CLSPN: variants seen among roughly 807,000 people sequenced by gnomAD.
CLSPN encodes claspin homolog.
In CLSPN, 85 loss-of-function variants were observed where a neutral mutation model predicts 156.3. The observed-to-expected ratio is 0.54, with a 90% CI of 0.46 to 0.65. The LOEUF (loss-of-function observed/expected upper bound fraction) is 0.65, where lower values mean the gene tolerates loss of function less well. Among genes scored for constraint, CLSPN ranks in the 30% least tolerant of loss-of-function variants. CLSPN has a pLI of 0.00. For missense variants in CLSPN, 1,407 were observed against 1,554.9 expected (o/e 0.90, Z 1.60); for synonymous variants, 534 against 542.4 (o/e 0.98, Z 0.22).
chr1:35,763,015 C>A, intron 4 of CLSPN, 145 bp downstream of exon 4: 1 of 568,726 alleles, frequency 1.8e-6, no homozygotes, highest in Non-Finnish European at 2.8e-6. Context: ...TGCAAGTCTC[C>A]AAAATTAACA....
intron 1 of CLSPN, among the ~76,000 whole-genome samples, chr1:35,768,592 T>G (rs1642755803): frequency 6.6e-6 from 1 of 151,588 alleles, no homozygotes; most frequent in Non-Finnish European, 1.5e-5. Context: ...TTTTTTTTTT[T>G]GTAGAGGCGG....
chr1:35,743,104 A>G (rs756349958), intron 18 of CLSPN, 37 bp downstream of exon 18: 1 of 1,549,004 alleles, frequency 6.5e-7, no homozygotes, highest in East Asian at 2.2e-5. Context: ...CAAATTTTAA[A>G]TACACCTGAA....
At chr1:35,758,842 G>A (rs567385188) in intron 8 of CLSPN, among the ~76,000 whole-genome samples, 1 of 143,096 alleles carries the variant, frequency 7.0e-6, no homozygotes, top group East Asian at 2.0e-4. Flanking sequence ...ATGCTGCCCA[G>A]GATGGCCTTA....
At chr1:35,769,560 C>A (rs2148630341) in intron 1 of CLSPN, among the ~76,000 whole-genome samples, 1 of 152,348 alleles carries the variant, frequency 6.6e-6, no homozygotes, top group South Asian at 2.1e-4. Context: ...GGGCTGGCGG[C>A]AGGAACCGGC....
chr1:35,729,912 G>T (rs1462546408), downstream of CLSPN, among the ~76,000 whole-genome samples: 1 of 152,120 alleles, frequency 6.6e-6, no homozygotes, highest in Non-Finnish European at 1.5e-5. Flanking sequence ...TTTTCCAGTT[G>T]AGGAAAAAAG....
At position 35,733,682 on chromosome 1, in the gene CLSPN, A is replaced by G. The variant is rs1250827884; in HGVS notation, c.*2814T>C. On this transcript the variant is annotated 3_prime_UTR_variant, in exon 25 of 25. Coordinates refer to ENST00000318121, the MANE Select transcript of CLSPN (RefSeq NM_022111.4). ...CAAACTTAGCTAAAGAGAAAGGCCA[A>G]TCAAAGCTGTAACAGGCTGGGCATG... is the stretch of plus-strand genomic sequence containing the variant. 3.0e-6 allele frequency: 3 copies of G among 985,460 alleles called. No homozygotes were observed. Among genetic ancestry groups the G allele is most frequent in the Non-Finnish European group, 1.2e-6 (1 of 829,928 alleles). 61.0% of individuals were successfully genotyped at this position (985,460 alleles called of 1,614,324 possible).
At chr1:35,766,404 T>C (rs1437698495) in intron 1 of CLSPN, among the ~76,000 whole-genome samples, 2 of 152,208 alleles carry the variant, frequency 1.3e-5, no homozygotes, top group Non-Finnish European at 1.5e-5. Flanking sequence ...TGTATATTTC[T>C]ATATATTTAT....
chr1:35,745,833 C>T (rs933847242), intron 15 of CLSPN, among the ~76,000 whole-genome samples: 1 of 152,110 alleles, frequency 6.6e-6, no homozygotes, highest in African/African-American at 2.4e-5. Flanking sequence ...GGGCAGGGAA[C>T]AGGAAGTAAG....
Position 35,760,383 on chromosome 1 carries a change from T to G in CLSPN, c.1538A>C (p.Asp513Ala). 2 of 1,614,158 alleles carry G rather than the reference T, an allele frequency of 1.2e-6. No individual in the cohort carries two copies. Among genetic ancestry groups the G allele is most frequent in the Non-Finnish European group, 1.7e-6 (2 of 1,179,986 alleles). Reference protein sequence around the residue: ...DVSIKPRLGADEDSFVILEPE... With the variant: ...DVSIKPRLGAAEDSFVILEPE... ...TTCAAGTATCACAAAGGAATCTTCA[T>G]CAGCACCTAGCCGTGGTTTAATGGA... The change falls in exon 8 of 25, where the codon GAT becomes GCT. Residue 513 changes from aspartate to alanine, a missense_variant. Asp to Ala is a moderately radical substitution (Grantham distance 126). Transcript: ENST00000318121.
In CLSPN at chr1:35,762,079, A is replaced by G; in HGVS notation, c.823-9T>C. On this transcript the variant is annotated splice_polypyrimidine_tract_variant and intron_variant, in intron 5 of 24. Coordinates refer to ENST00000318121, the MANE Select transcript of CLSPN (RefSeq NM_022111.4). ...CTGGCTGCCTTTCTTTCCTTAAAGA[A>G]AACAAGAAGTGAGACTACATTAATT... 1 of 1,586,222 alleles carries G rather than the reference A, an allele frequency of 6.3e-7. No individual in the cohort carries two copies. Among genetic ancestry groups the G allele is most frequent in the Non-Finnish European group, 8.7e-7 (1 of 1,155,214 alleles).
chr1:35,739,565 A>G (rs577483), intron 18 of CLSPN, 36 bp from the exon 19 acceptor site: 1,259,995 of 1,557,384 alleles, frequency 0.81, 531,203 homozygotes, highest in Non-Finnish European at 0.88. Flanking sequence ...AAATGCAACA[A>G]TGAATATACT....
chr1:35,747,426 A>G (rs1641930404), intron 14 of CLSPN, among the ~76,000 whole-genome samples: 1 of 152,250 alleles, frequency 6.6e-6, no homozygotes, highest in African/African-American at 2.4e-5. Flanking sequence ...CTCAAACCAG[A>G]AAGCAAAAGA....
At chr1:35,738,800 CTTT>C (rs66781105) in intron 20 of CLSPN, among the ~76,000 whole-genome samples, 17 of 96,348 alleles carry the variant, frequency 1.8e-4, no homozygotes, top group Admixed American at 1.2e-4. Context: ...TAACTGTTTG[CTTT>C]TTTTTTTTTT....
intron 1 of CLSPN, 58 bp downstream of exon 1, chr1:35,769,789 C>A: frequency 1.9e-6 from 3 of 1,546,312 alleles, no homozygotes; most frequent in Non-Finnish European, 2.6e-6. Flanking sequence ...CCGGCCCCAC[C>A]TAACCTCTCG....
At chr1:35,743,612 A>AT in intron 16 of CLSPN, 82 bp from the exon 17 acceptor site, 1 of 1,154,894 alleles carries the variant, frequency 8.7e-7, no homozygotes, top group East Asian at 2.3e-5. Flanking sequence ...ATTAAAAAAA[A>AT]TTTTGTGTGT....
At position 35,763,212 on chromosome 1, in the gene CLSPN, T is replaced by C; in HGVS notation, c.692A>G (p.Glu231Gly). 4 of 1,608,356 alleles carry C rather than the reference T, an allele frequency of 2.5e-6. No individual in the cohort carries two copies. Among genetic ancestry groups the C allele is most frequent in the Non-Finnish European group, 3.4e-6 (4 of 1,178,456 alleles). Reference protein sequence around the residue: ...DENNSPLEDEESLESIRAAVK... With the variant: ...DENNSPLEDEGSLESIRAAVK... ...AGCTGCTCTTATTGATTCTAATGACTCTTCATCTTCCAATGGAGAGTTATT... is the reference window on the plus strand; with the variant it reads ...AGCTGCTCTTATTGATTCTAATGACCCTTCATCTTCCAATGGAGAGTTATT... The change falls in exon 4 of 25, where the codon GAG becomes GGG. Residue 231 changes from glutamate to glycine, a missense_variant. Physicochemically the swap from Glu to Gly is moderately conservative, Grantham distance 98 (BLOSUM62 -2). Transcript: ENST00000318121.
At chr1:35,728,592 A>AT, downstream of CLSPN, among the ~76,000 whole-genome samples, 1 of 152,230 alleles carries the variant, frequency 6.6e-6, no homozygotes, top group South Asian at 2.1e-4. Flanking sequence ...CTTTGGAACA[A>AT]TAACATTGAA....
intron 8 of CLSPN, 28 bp from the exon 9 acceptor site, chr1:35,753,964 A>C (rs1642186240): frequency 6.2e-7 from 1 of 1,606,638 alleles, no homozygotes; most frequent in Admixed American, 1.7e-5. Flanking sequence ...CCAGTGTGTC[A>C]GTTTGCCATG....
In CLSPN at chr1:35,760,789, T is replaced by C. The variant is rs1642448638; in HGVS notation, c.1132A>G (p.Asn378Asp). The change falls in exon 8 of 25, where the codon AAT (asparagine) becomes GAT (aspartate). Residue 378 changes from asparagine to aspartate, a missense_variant. Asn to Asp is a conservative substitution (Grantham distance 23, BLOSUM62 1). Transcript: ENST00000318121. ...TTGAENEVET[N>D]ALPVVSKETQ... ...TCCTTTGAAACTACAGGGAGTGCATTAGTTTCCACTTCATTTTCTGCACCT... is the reference window on the plus strand; with the variant it reads ...TCCTTTGAAACTACAGGGAGTGCATCAGTTTCCACTTCATTTTCTGCACCT... 2 of 1,613,770 alleles carry C rather than the reference T, an allele frequency of 1.2e-6. No homozygotes were observed. Among genetic ancestry groups the C allele is most frequent in the Non-Finnish European group, 1.7e-6 (2 of 1,180,006 alleles).
Sources: allele counts gnomAD v4.1 joint callset (sites outside exome capture counted in the v4.1 genomes callset), GRCh38; gene constraint gnomAD v4.1.1; transcripts MANE v1.5; gene names NCBI Gene and HGNC (gene_info 2026-07-23, HGNC 2026-07-21).